The following STK33 variants were observed in gnomAD, a reference collection of about 807,000 sequenced individuals.
The protein encoded by STK33 is serine/threonine kinase 33.
In STK33, 52 loss-of-function variants were observed where a neutral mutation model predicts 58.0. That is an observed-to-expected ratio of 0.90 (90% CI 0.72 to 1.13). STK33 has a LOEUF of 1.13. Ranked by LOEUF, STK33 falls within the 50% of genes most tolerant of loss-of-function variation. The probability of loss-of-function intolerance (pLI) is 0.00; values close to 1 mark genes in which losing one functional copy is unlikely to be tolerated. For synonymous variants in STK33, 215 were observed against 200.1 expected, an observed-to-expected ratio of 1.07 and a Z score of -0.63; for missense variants, 630 against 604.2, an observed-to-expected ratio of 1.04 and a Z score of -0.45.
intron 1 of STK33, among the ~76,000 whole-genome samples, chr11:8,589,978 T>TA (rs1314806735): frequency 9.8e-5 from 15 of 152,326 alleles, no homozygotes; most frequent in Non-Finnish European, 2.2e-4. Flanking sequence ...GCCTCGATGT[T>TA]AGATTTGCTA....
chr11:8,547,240 GT>G (rs774332011), intron 1 of STK33, among the ~76,000 whole-genome samples: 99 of 152,240 alleles, frequency 6.5e-4, no homozygotes, highest in Non-Finnish European at 1.2e-3. Flanking sequence ...TTGAGACGGA[GT>G]TTCATTCTTG....
intron 15 of STK33, among the ~76,000 whole-genome samples, chr11:8,397,155 G>A (rs914542809): frequency 1.3e-5 from 2 of 152,256 alleles, no homozygotes; most frequent in Non-Finnish European, 2.9e-5. Context: ...AGAATGGACA[G>A]ACTGCCTCCT....
chr11:8,560,285 T>A (rs1591798051), intron 1 of STK33, among the ~76,000 whole-genome samples: 2 of 152,180 alleles, frequency 1.3e-5, no homozygotes, highest in South Asian at 4.1e-4. Context: ...AACTTTTTCA[T>A]CTTTCTCAAT....
the STK33 span, among the ~76,000 whole-genome samples, chr11:8,384,468 C>A: frequency 1.3e-5 from 2 of 152,202 alleles, no homozygotes; most frequent in Non-Finnish European, 2.9e-5. Context: ...GGACATTAGC[C>A]AGGCCTGCCC....
chr11:8,345,547 C>A, the STK33 span, among the ~76,000 whole-genome samples: 1 of 152,246 alleles, frequency 6.6e-6, no homozygotes, highest in African/African-American at 2.4e-5. Context: ...CCATTCATAG[C>A]ATGCGGTTTG....
At chr11:8,506,849 C>T (rs887608162) in intron 1 of STK33, among the ~76,000 whole-genome samples, 5 of 152,166 alleles carry the variant, frequency 3.3e-5, no homozygotes, top group Non-Finnish European at 7.3e-5. Flanking sequence ...AATACACACA[C>T]ATACATATGC....
chr11:8,384,230 C>T, the STK33 span, among the ~76,000 whole-genome samples: 1 of 152,096 alleles, frequency 6.6e-6, no homozygotes. Context: ...AAGGAATAAC[C>T]AGCCAGTGCA....
At chr11:8,421,634 G>C (rs919501005) in intron 14 of STK33, among the ~76,000 whole-genome samples, 1 of 152,018 alleles carries the variant, frequency 6.6e-6, no homozygotes, top group Non-Finnish European at 1.5e-5. Flanking sequence ...AATTTTGATT[G>C]TATTTGCACT....
At chr11:8,366,865 T>G in the STK33 span, among the ~76,000 whole-genome samples, 3 of 152,234 alleles carry the variant, frequency 2.0e-5, no homozygotes, top group Admixed American at 6.5e-5. Context: ...GGGAGGGGAC[T>G]GGCTCAGGAT....
chr11:8,385,031 G>A, the STK33 span, among the ~76,000 whole-genome samples: 24 of 152,278 alleles, frequency 1.6e-4, no homozygotes, highest in Admixed American at 7.2e-4. Context: ...CCCAGGAAGC[G>A]ACACCACCAT....
chr11:8,569,820 G>A (rs546161010), intron 1 of STK33, among the ~76,000 whole-genome samples: 71 of 152,166 alleles, frequency 4.7e-4, no homozygotes, highest in Non-Finnish European at 9.3e-4. Context: ...AGCCAGGCAT[G>A]GTGGCACACT....
chr11:8,505,849 A>G (rs1951824645), intron 1 of STK33, among the ~76,000 whole-genome samples: 1 of 151,878 alleles, frequency 6.6e-6, no homozygotes, highest in Non-Finnish European at 1.5e-5. Flanking sequence ...ACAACACTCA[A>G]CTCCCAACTC....
the STK33 span, among the ~76,000 whole-genome samples, chr11:8,345,115 C>T: frequency 1.3e-5 from 2 of 152,150 alleles, no homozygotes; most frequent in Admixed American, 6.5e-5. Flanking sequence ...ATGCTTGGCC[C>T]CAGAGAAGAA....
the STK33 span, among the ~76,000 whole-genome samples, chr11:8,380,030 C>G: frequency 6.6e-6 from 1 of 152,192 alleles, no homozygotes. Flanking sequence ...ATTCTACCAA[C>G]GATGGGCATT....
chr11:8,496,256 T>A (rs1951049203), intron 1 of STK33, among the ~76,000 whole-genome samples: 1 of 152,194 alleles, frequency 6.6e-6, no homozygotes. Context: ...GCAGTTATCC[T>A]CTAATTTAAC....
downstream of STK33, among the ~76,000 whole-genome samples, chr11:8,390,319 A>T (rs1443536171): frequency 1.3e-5 from 2 of 152,178 alleles, no homozygotes; most frequent in Non-Finnish European, 2.9e-5. Flanking sequence ...AGCAAAACCC[A>T]GCTCCCCATG....
chr11:8,575,694 T>C (rs940190082), intron 1 of STK33, among the ~76,000 whole-genome samples: 55 of 152,234 alleles, frequency 3.6e-4, no homozygotes, highest in African/African-American at 1.3e-3. Flanking sequence ...CTGAATTGTA[T>C]ACTTAAAATG....
At chr11:8,537,503 A>AT in intron 1 of STK33, among the ~76,000 whole-genome samples, 1 of 152,102 alleles carries the variant, frequency 6.6e-6, no homozygotes, top group South Asian at 2.1e-4. Context: ...TGTCATCTCA[A>AT]TATTGGTGTC....
intron 1 of STK33, among the ~76,000 whole-genome samples, chr11:8,571,211 G>C (rs1476654170): frequency 1.3e-5 from 2 of 152,150 alleles, no homozygotes; most frequent in Non-Finnish European, 2.9e-5. Flanking sequence ...GCATGCACAT[G>C]AGTCTCGGCT....
Sources: allele counts gnomAD v4.1 joint callset (sites outside exome capture counted in the v4.1 genomes callset), GRCh38; gene constraint gnomAD v4.1.1; transcripts MANE v1.5; gene names NCBI Gene and HGNC (gene_info 2026-07-23, HGNC 2026-07-21).